The following PDK4 variants were observed in gnomAD, a reference collection of about 807,000 sequenced individuals.
The protein encoded by PDK4 is pyruvate dehydrogenase kinase, isozyme 4.
A neutral mutation model predicts 51.7 loss-of-function variants in PDK4; 43 were observed. That is an observed-to-expected ratio of 0.83 (90% confidence interval 0.65 to 1.07). The LOEUF is 1.07. Ranked by LOEUF, PDK4 falls within the 50% of genes least tolerant of loss-of-function variation. The pLI is 0.00. For missense variants in PDK4, 498 were observed against 503.5 expected (o/e 0.99, Z 0.10); for synonymous variants, 170 against 176.6 (o/e 0.96, Z 0.30).
At chr7:95,588,750 G>T (rs1483004415) in intron 7 of PDK4, among the ~76,000 whole-genome samples, 3 of 152,178 alleles carry the variant, frequency 2.0e-5, no homozygotes, top group African/African-American at 7.2e-5. Flanking sequence ...GCATCAAAAA[G>T]CTTAAGGTGT....
intron 2 of PDK4, 46 bp downstream of exon 2, chr7:95,594,977 G>A (rs539761447): frequency 1.4e-6 from 2 of 1,431,188 alleles, no homozygotes; most frequent in Non-Finnish European, 1.9e-6. Context: ...TTCATACCCG[G>A]GTAACTGTTT....
In PDK4 at chr7:95,596,315, CG is replaced by C; in HGVS notation, c.-23del. On this transcript the variant is annotated 5_prime_UTR_variant, in exon 1 of 11. Coordinates refer to ENST00000005178, the MANE Select transcript of PDK4 (RefSeq NM_002612.4). ...TCATCTTGACGCCCACCCGGCCTGGCGGGGACTGTGGCTGGCTTGAGGGGCG... is the reference window on the plus strand; with the variant it reads ...TCATCTTGACGCCCACCCGGCCTGGCGGGACTGTGGCTGGCTTGAGGGGCG... 6.4e-7 allele frequency: 1 copy of C among 1,556,924 alleles called. No individual in the cohort carries two copies. The highest frequency in any genetic ancestry group is 8.7e-7 in the Non-Finnish European group (1 of 1,152,588).
At chr7:95,588,733 T>C (rs7455945) in intron 7 of PDK4, among the ~76,000 whole-genome samples, 64,515 of 152,032 alleles carry the variant, frequency 0.42, 14,416 homozygotes, top group East Asian at 0.83. Context: ...CAGGGGACTC[T>C]TGGGAAGCAT....
chr7:95,589,795 T>A lies in PDK4; in HGVS notation c.695-79A>T, dbSNP rs1584122282. On this transcript the variant is annotated intron_variant, in intron 6 of 10. Coordinates refer to ENST00000005178, the MANE Select transcript of PDK4 (RefSeq NM_002612.4). ...ACCACCACATTCATGTGATTAACAT[T>A]TTAGACTTCAAGAGGGTTGGCATAT... 4.8e-5 allele frequency: 40 copies of A among 831,906 alleles called. No individual in the cohort carries two copies. The South Asian group carries it at 5.5e-4, about 11-fold the overall frequency. The allele number at this position is 831,906 out of a possible 1,614,324, so 51.5% of individuals were successfully genotyped here. A position where few individuals can be genotyped will look rare whatever the true frequency, so the allele number is the denominator to read the frequency against.
intron 6 of PDK4, among the ~76,000 whole-genome samples, chr7:95,591,101 C>A (rs1261138069): frequency 2.0e-5 from 3 of 152,064 alleles, no homozygotes; most frequent in Non-Finnish European, 1.5e-5. Context: ...CCATGCCTGG[C>A]TAATTTTTAT....
rs1791466721 is a variant in PDK4 at position 95,585,292 on chromosome 7, C to T, written c.*349G>A. 1 of 140,942 alleles carries T rather than the reference C, an allele frequency of 7.1e-6. No individual in the cohort carries two copies. Among genetic ancestry groups the T allele is most frequent in the East Asian group, 3.1e-4 (1 of 3,226 alleles). The allele number at this position is 140,942 out of a possible 1,614,324, so 8.7% of individuals were successfully genotyped here. The stretch of plus-strand genomic sequence containing the variant: ...GATGTGAACAAGAGGCCTAAAATAT[C>T]AGTCTTAGTGAAACTGCTAACCACC... On this transcript the variant is annotated 3_prime_UTR_variant, in exon 11 of 11. Transcript: ENST00000005178.
At chr7:95,589,455 C>T (rs1283259879) in intron 7 of PDK4, among the ~76,000 whole-genome samples, 185 bp downstream of exon 7, 2 of 152,182 alleles carry the variant, frequency 1.3e-5, no homozygotes, top group African/African-American at 4.8e-5. Context: ...TGTGTTGATG[C>T]TACAATGAGC....
rs987550227 is a variant in PDK4, at chr7:95,587,777, T to A, written c.820A>T (p.Thr274Ser). 3.1e-6 allele frequency: 5 copies of A among 1,613,450 alleles called. No individual in the cohort carries two copies. The African/African-American group carries it at 6.7e-5, about 22-fold the overall frequency. Residue 274 changes from threonine (T) to serine (S), a missense_variant, in exon 8 of 11, where the codon ACA becomes TCA. Thr to Ser is a moderately conservative substitution (Grantham distance 58). Coordinates refer to ENST00000005178, the MANE Select transcript of PDK4 (RefSeq NM_002612.4). ...AAGACAACAATAACCTCTATTGGTG[T>A]AAGGGAAGGCTGATTTTCCTGGTGT... ...VEHQENQPSL[T>S]PIEVIVVLGK...
At position 95,595,069 on chromosome 7, in the gene PDK4, G is replaced by A. The variant is rs1236115564; in HGVS notation, c.226C>T (p.Pro76Ser). ...ANILKEIDIL[P>S]TQLVNTSSVQ... ...GAAGAGGTATTTACTAATTGGGTCGGGAGGATATCAATTTCCTTCAGAATG... is the reference window on the plus strand; with the variant it reads ...GAAGAGGTATTTACTAATTGGGTCGAGAGGATATCAATTTCCTTCAGAATG... Residue 76 changes from proline to serine, a missense_variant, in exon 2 of 11, where the codon CCG (proline) becomes TCG (serine). Physicochemically the swap from Pro to Ser is moderately conservative, Grantham distance 74. Coordinates refer to ENST00000005178, the MANE Select transcript of PDK4 (RefSeq NM_002612.4). The A allele has an allele frequency of 1.2e-6, 2 of 1,611,982 alleles. No individual in the cohort carries two copies. Among genetic ancestry groups the A allele is most frequent in the East Asian group, 4.5e-5 (2 of 44,814 alleles).
chr7:95,596,317 G>C lies in PDK4; in HGVS notation c.-24C>G. The C allele has an allele frequency of 6.4e-7, 1 of 1,556,908 alleles. No homozygotes were observed. Among genetic ancestry groups the C allele is most frequent in the Non-Finnish European group, 8.7e-7 (1 of 1,152,620 alleles). Reference sequence around the variant, plus strand: ...ATCTTGACGCCCACCCGGCCTGGCGGGGACTGTGGCTGGCTTGAGGGGCGA... The same window carrying C: ...ATCTTGACGCCCACCCGGCCTGGCGCGGACTGTGGCTGGCTTGAGGGGCGA... On this transcript the variant is annotated 5_prime_UTR_variant, in exon 1 of 11. Coordinates refer to ENST00000005178, the MANE Select transcript of PDK4 (RefSeq NM_002612.4).
At chr7:95,591,462 C>T (rs1374252279) in intron 6 of PDK4, among the ~76,000 whole-genome samples, 1 of 152,210 alleles carries the variant, frequency 6.6e-6, no homozygotes, top group African/African-American at 2.4e-5. Flanking sequence ...TGGATAGCAA[C>T]TCCCCATTTT....
rs1312610555 is a variant in PDK4 at position 95,589,770 on chromosome 7, A to G, written c.695-54T>C. On this transcript the variant is annotated intron_variant, in intron 6 of 10. Transcript: ENST00000005178. ...GTAAACAAATACTTCACTAAAATAA[A>G]CCACCACATTCATGTGATTAACATT... 1.5e-5 allele frequency: 14 copies of G among 948,088 alleles called. No homozygotes were observed. In the Admixed American group the frequency reaches 2.5e-4, roughly 17 times the overall value. The allele number at this position is 948,088 out of a possible 1,614,324, so 58.7% of individuals were successfully genotyped here. A position where few individuals can be genotyped will look rare whatever the true frequency, so the allele number is the denominator to read the frequency against.
intron 1 of PDK4, 99 bp downstream of exon 1, chr7:95,596,065 G>T: frequency 7.7e-7 from 1 of 1,306,278 alleles, no homozygotes; most frequent in Non-Finnish European, 1.0e-6. Flanking sequence ...GTGAACCCCA[G>T]TTGTTTTAGC....
At position 95,585,894 on chromosome 7, in the gene PDK4, A is replaced by G. The variant is rs80188061; in HGVS notation, c.1096-113T>C. ...GAGGTAAGTATCCAAACATTCAAATACATTCATTTAATTGACACAGTAATA... is the reference window on the plus strand; with the variant it reads ...GAGGTAAGTATCCAAACATTCAAATGCATTCATTTAATTGACACAGTAATA... On this transcript the variant is annotated intron_variant, in intron 10 of 10. Transcript: ENST00000005178. 1.3e-3 allele frequency: 1,091 copies of G among 866,520 alleles called. 7 individuals carry two copies. The African/African-American group carries it at 0.017, about 13-fold the overall frequency. The allele number at this position is 866,520 out of a possible 1,614,324, so 53.7% of individuals were successfully genotyped here. A position where few individuals can be genotyped will look rare whatever the true frequency, so the allele number is the denominator to read the frequency against.
Position 95,596,282 on chromosome 7 carries a change from G to A in PDK4, c.12C>T (p.Ala4=). The change falls in exon 1 of 11, where the codon GCC becomes GCT. Residue 4 remains alanine (A), a synonymous_variant. Transcript: ENST00000005178. ...AGCCAGCGCTGCGCAGCACGAAGCGGGCCGCCTTCATCTTGACGCCCACCC... is the reference window on the plus strand; with the variant it reads ...AGCCAGCGCTGCGCAGCACGAAGCGAGCCGCCTTCATCTTGACGCCCACCC... MKA[A]RFVLRSAGSL... The A allele has an allele frequency of 1.3e-6, 2 of 1,575,726 alleles. No individual in the cohort carries two copies. The highest frequency in any genetic ancestry group is 1.2e-5 in the South Asian group (1 of 86,692).
In PDK4 at chr7:95,592,080, G is replaced by GT; in HGVS notation, c.617-16dup. 6.6e-7 allele frequency: 1 copy of GT among 1,504,480 alleles called. No individual in the cohort carries two copies. The highest frequency in any genetic ancestry group is 2.0e-5 in the Admixed American group (1 of 49,530). The allele number at this position is 1,504,480 out of a possible 1,614,324, so 93.2% of individuals were successfully genotyped here. ...CTCAAAGGCATCTGGAATAGAAGTT[G>GT]TTTTTTATAACAATGAAATGAGTTT... On this transcript the variant is annotated splice_polypyrimidine_tract_variant and intron_variant, in intron 5 of 10. Transcript: ENST00000005178.
intron 10 of PDK4, chr7:95,586,733 A>G (rs1235681251): frequency 1.1e-5 from 3 of 281,564 alleles, no homozygotes; most frequent in Non-Finnish European, 2.0e-5. Flanking sequence ...AAAAATTCAC[A>G]TGAACATGTC....
chr7:95,589,021 G>C (rs1791520336), intron 7 of PDK4, among the ~76,000 whole-genome samples: 1 of 152,206 alleles, frequency 6.6e-6, no homozygotes, highest in South Asian at 2.1e-4. Flanking sequence ...AGGCCTGCTA[G>C]GCAAAGTGTG....
Position 95,585,553 on chromosome 7 carries a change from A to G in PDK4, c.*88T>C. ...TTTTCGTTGCTGTCGTTTGTTTTGG[A>G]GGAAACAAGGGTTCACACACAAACA... On this transcript the variant is annotated 3_prime_UTR_variant, in exon 11 of 11. Transcript: ENST00000005178. 1 of 1,143,220 alleles carries G rather than the reference A, an allele frequency of 8.7e-7. No individual in the cohort carries two copies. The highest frequency in any genetic ancestry group is 1.2e-6 in the Non-Finnish European group (1 of 819,548). The allele number at this position is 1,143,220 out of a possible 1,614,324, so 70.8% of individuals were successfully genotyped here. A position where few individuals can be genotyped will look rare whatever the true frequency, so the allele number is the denominator to read the frequency against.
Sources: gnomAD v4.1 joint callset for allele counts (sites outside exome capture counted in the v4.1 genomes callset) on GRCh38, gnomAD v4.1.1 for gene constraint, MANE v1.5 for transcripts, NCBI Gene and HGNC (gene_info 2026-07-23, HGNC 2026-07-21) for gene names.